Variants in CLEC16A observed in about 807,000 individuals in gnomAD.
The protein encoded by CLEC16A is protein CLEC16A.
In CLEC16A, 51 loss-of-function variants were observed where a neutral mutation model predicts 109.5. The ratio of observed to expected loss-of-function variants is 0.47; its 90% CI spans 0.37 to 0.59. The LOEUF is 0.59. CLEC16A is among the 20% of genes least tolerant of loss of function. CLEC16A has a pLI of 0.00. For synonymous variants in CLEC16A, 673 were observed against 564.2 expected (o/e 1.19, Z -2.73); for missense variants, 1,339 against 1,394.0 (o/e 0.96, Z 0.63).
chr16:11,005,342 C>T (rs60223258), intron 11 of CLEC16A, among the ~76,000 whole-genome samples: 13,586 of 152,148 alleles, frequency 0.089, 668 homozygotes, highest in African/African-American at 0.14. Context: ...TACAAGGGAA[C>T]GAATTTCTGC....
At chr16:11,031,349 T>A (rs1385166743) in intron 13 of CLEC16A, among the ~76,000 whole-genome samples, 1 of 152,196 alleles carries the variant, frequency 6.6e-6, no homozygotes, top group Non-Finnish European at 1.5e-5. Context: ...GTGTTCTCCA[T>A]GGGCTTCCTT....
intron 23 of CLEC16A, among the ~76,000 whole-genome samples, chr16:11,169,066 T>C (rs1408675372): frequency 6.6e-6 from 1 of 152,148 alleles, no homozygotes; most frequent in Non-Finnish European, 1.5e-5. Context: ...CCCACTGCCT[T>C]CAGCCTGGAC....
intron 19 of CLEC16A, among the ~76,000 whole-genome samples, chr16:11,063,719 C>G (rs1052388063): frequency 6.6e-6 from 1 of 152,148 alleles, no homozygotes; most frequent in African/African-American, 2.4e-5. Context: ...CAGCCGAGCT[C>G]CGGCTGTCAT....
At chr16:11,047,271 C>G (rs1438313956) in intron 16 of CLEC16A, 21 bp from the exon 17 acceptor site, 1 of 1,598,228 alleles carries the variant, frequency 6.3e-7, no homozygotes, top group African/African-American at 1.3e-5. Flanking sequence ...TCTCCTCTTC[C>G]CTCCCTTCCT....
chr16:11,001,277 G>C (rs147456538), intron 10 of CLEC16A, among the ~76,000 whole-genome samples: 1 of 152,094 alleles, frequency 6.6e-6, no homozygotes, highest in African/African-American at 2.4e-5. Flanking sequence ...GTAGAGATGG[G>C]GTTTTGCCAT....
intron 18 of CLEC16A, among the ~76,000 whole-genome samples, chr16:11,054,557 T>G (rs1567252669): frequency 1.3e-5 from 2 of 152,140 alleles, no homozygotes; most frequent in Non-Finnish European, 2.9e-5. Flanking sequence ...CTGACAAGTT[T>G]CCAAAAGCAA....
At chr16:11,020,371 G>T in intron 12 of CLEC16A, 46 bp downstream of exon 12, 1 of 1,554,752 alleles carries the variant, frequency 6.4e-7, no homozygotes, top group Non-Finnish European at 8.7e-7. Context: ...CAGGGAAGAG[G>T]AGAGGGCTCA....
chr16:10,975,356 G>A (rs770769997), intron 7 of CLEC16A, among the ~76,000 whole-genome samples: 3 of 152,044 alleles, frequency 2.0e-5, no homozygotes, highest in Non-Finnish European at 4.4e-5. Flanking sequence ...AGTGGAGGAG[G>A]CGAGTCTGGG....
At chr16:11,137,493 C>T (rs913625596) in intron 22 of CLEC16A, among the ~76,000 whole-genome samples, 3 of 150,180 alleles carry the variant, frequency 2.0e-5, no homozygotes, top group Admixed American at 1.3e-4. Flanking sequence ...TGGTGGCTCA[C>T]ACCTTTAATC....
chr16:11,053,937 G>T (rs1476517604), intron 18 of CLEC16A, among the ~76,000 whole-genome samples: 2 of 152,226 alleles, frequency 1.3e-5, no homozygotes, highest in Non-Finnish European at 2.9e-5. Flanking sequence ...AGGTCATGTG[G>T]CTCAGGCCAT....
intron 19 of CLEC16A, among the ~76,000 whole-genome samples, chr16:11,070,184 C>A (rs1403628578): frequency 6.6e-6 from 1 of 152,162 alleles, no homozygotes; most frequent in African/African-American, 2.4e-5. Flanking sequence ...CATTCTCCTG[C>A]CTCAGCCTCC....
intron 1 of CLEC16A, among the ~76,000 whole-genome samples, chr16:10,950,732 G>C (rs898045560): frequency 1.3e-5 from 2 of 152,232 alleles, no homozygotes; most frequent in Non-Finnish European, 2.9e-5. Context: ...CTCTGCCCGA[G>C]TGCTGAACAG....
intron 7 of CLEC16A, among the ~76,000 whole-genome samples, chr16:10,976,376 C>T (rs565705974): frequency 4.7e-5 from 7 of 148,484 alleles, no homozygotes; most frequent in East Asian, 2.0e-4. Context: ...TACAGTTAGA[C>T]GGATAGAAAT....
At chr16:11,029,924 C>T (rs1276676644) in intron 13 of CLEC16A, among the ~76,000 whole-genome samples, 1 of 152,192 alleles carries the variant, frequency 6.6e-6, no homozygotes, top group African/African-American at 2.4e-5. Flanking sequence ...CAGTCTGCTT[C>T]CTGTCATGCT....
intron 19 of CLEC16A, among the ~76,000 whole-genome samples, chr16:11,092,917 A>G (rs2050395303): frequency 6.6e-6 from 1 of 152,218 alleles, no homozygotes; most frequent in Non-Finnish European, 1.5e-5. Flanking sequence ...TATCCTCATC[A>G]TCATGACTGT....
chr16:11,162,239 G>C (rs187478643), intron 22 of CLEC16A, among the ~76,000 whole-genome samples: 120 of 152,358 alleles, frequency 7.9e-4, no homozygotes, highest in Admixed American at 4.4e-3. Flanking sequence ...GGGCTCCTGG[G>C]AAGTGGGGGA....
intron 19 of CLEC16A, among the ~76,000 whole-genome samples, chr16:11,103,898 G>T (rs1274317926): frequency 6.6e-6 from 1 of 152,246 alleles, no homozygotes; most frequent in African/African-American, 2.4e-5. Flanking sequence ...ACTGGCCTAT[G>T]TCGGAGGAGA....
rs558313018 is a variant in CLEC16A, at chr16:11,119,229, G to A, written c.2117-1386G>A. Among the ~76,000 whole-genome samples the A allele has an allele frequency of 1.1e-3, 160 of 152,192 alleles. 1 individual carries two copies. Among genetic ancestry groups the A allele is most frequent in the African/African-American group, 3.7e-3 (152 of 41,526 alleles). ...GTTGGCCAAGTTGGCCTTGTAAGTC[G>A]TGACGTCAAGTGATCTGCCCACCTC... On this transcript the variant is annotated intron_variant, in intron 19 of 23. Transcript: ENST00000409790.
chr16:10,969,313 A>G lies in CLEC16A; in HGVS notation c.492+4A>G, dbSNP rs768301426. ...TGTCCATTTCTTTTATAATGAGGTA[A>G]GTAATTGCCAGAGGGGCACGTGTGG... On this transcript the variant is annotated splice_donor_region_variant and intron_variant, in intron 4 of 23. Transcript: ENST00000409790. The G allele has an allele frequency of 1.3e-5, 21 of 1,598,116 alleles. No homozygotes were observed. In the African/African-American group the frequency reaches 2.3e-4, roughly 17 times the overall value.
Sources: allele counts gnomAD v4.1 joint callset (sites outside exome capture counted in the v4.1 genomes callset), GRCh38; gene constraint gnomAD v4.1.1; transcripts MANE v1.5; gene names NCBI Gene and HGNC (gene_info 2026-07-23, HGNC 2026-07-21).